KIF13B: variants seen among roughly 807,000 people sequenced by gnomAD.
The protein encoded by KIF13B is kinesin family member 13B.
In KIF13B, 127 loss-of-function variants were observed where a neutral mutation model predicts 222.0. That is an observed-to-expected ratio of 0.57 (90% CI 0.50 to 0.66). The LOEUF is 0.66. Among genes scored for constraint, KIF13B ranks in the 30% least tolerant of loss-of-function variants. KIF13B has a pLI of 0.00. For missense variants in KIF13B, 2,173 were observed against 2,379.0 expected (o/e 0.91, Z 1.80); for synonymous variants, 976 against 919.0 (o/e 1.06, Z -1.12).
intron 14 of KIF13B, among the ~76,000 whole-genome samples, chr8:29,154,604 G>T (rs539869277): frequency 3.9e-5 from 6 of 152,300 alleles, no homozygotes; most frequent in African/African-American, 1.4e-4. Context: ...GCTGCAACTG[G>T]TGAAGAAGTA....
chr8:29,078,901 C>T (rs779138990), intron 37 of KIF13B, among the ~76,000 whole-genome samples: 21 of 152,178 alleles, frequency 1.4e-4, no homozygotes, highest in Non-Finnish European at 2.2e-4. Flanking sequence ...GGCAACAGAA[C>T]GGCTTAGAAA....
intron 24 of KIF13B, among the ~76,000 whole-genome samples, chr8:29,127,687 A>C (rs923575733): frequency 6.6e-6 from 1 of 152,252 alleles, no homozygotes; most frequent in Non-Finnish European, 1.5e-5. Flanking sequence ...AAACAATTTC[A>C]TACACTGTAA....
chr8:29,163,276 A>G (rs1388985591), intron 12 of KIF13B, among the ~76,000 whole-genome samples: 1 of 152,226 alleles, frequency 6.6e-6, no homozygotes, highest in East Asian at 1.9e-4. Flanking sequence ...ATACATAACA[A>G]TTAAACAATG....
Position 29,160,727 on chromosome 8 carries a change from C to T in KIF13B, c.1404+6G>A, listed in dbSNP as rs750040236. Reference sequence around the variant, plus strand: ...AAGAATCTAGTAGCAAAGCACATTACTTCACCTTTAAATAGTACACCAGAA... The same window carrying T: ...AAGAATCTAGTAGCAAAGCACATTATTTCACCTTTAAATAGTACACCAGAA... On this transcript the variant is annotated splice_donor_region_variant and intron_variant, in intron 13 of 39. Transcript: ENST00000524189. 3.7e-6 allele frequency: 6 copies of T among 1,610,144 alleles called. No homozygotes were observed. Among genetic ancestry groups the T allele is most frequent in the African/African-American group, 2.7e-5 (2 of 74,796 alleles).
intron 2 of KIF13B, among the ~76,000 whole-genome samples, chr8:29,203,083 A>T (rs1158588900): frequency 6.6e-6 from 1 of 152,216 alleles, no homozygotes; most frequent in Non-Finnish European, 1.5e-5. Context: ...ATGATAGAAT[A>T]AACTTTTACA....
At chr8:29,226,724 T>C (rs1815043235) in intron 2 of KIF13B, among the ~76,000 whole-genome samples, 2 of 152,254 alleles carry the variant, frequency 1.3e-5, no homozygotes, top group Admixed American at 1.3e-4. Context: ...TGTTCTTCTC[T>C]GCATCCCATG....
chr8:29,122,825 T>C (rs746567852), intron 28 of KIF13B, among the ~76,000 whole-genome samples, 179 bp from the exon 29 acceptor site: 1 of 152,220 alleles, frequency 6.6e-6, no homozygotes, highest in Non-Finnish European at 1.5e-5. Flanking sequence ...TAGCTGCTGC[T>C]TCATACCCTG....
chr8:29,191,410 A>G (rs1050683509), intron 3 of KIF13B, among the ~76,000 whole-genome samples: 5 of 152,222 alleles, frequency 3.3e-5, no homozygotes, highest in African/African-American at 1.2e-4. Context: ...TAGTCAAAGA[A>G]AAAGATATTT....
chr8:29,133,890 G>A, intron 22 of KIF13B, 150 bp downstream of exon 22: 1 of 690,548 alleles, frequency 1.4e-6, no homozygotes, highest in Non-Finnish European at 2.4e-6. Flanking sequence ...GAGTATAGAT[G>A]CATTGACACT....
Position 29,180,036 on chromosome 8 carries a change from A to T in KIF13B, c.720+68T>A. 3 of 1,571,074 alleles carry T rather than the reference A, an allele frequency of 1.9e-6. No homozygotes were observed. The East Asian group carries it at 6.7e-5, about 35-fold the overall frequency. ...GGACTTTAATTCATCTAACACCTGA[A>T]GAGGAAAAAAATAAAACCACAATCC... On this transcript the variant is annotated intron_variant, in intron 8 of 39. Coordinates refer to ENST00000524189, the MANE Select transcript of KIF13B (RefSeq NM_015254.4).
intron 24 of KIF13B, 107 bp downstream of exon 24, chr8:29,130,426 C>T: frequency 8.7e-7 from 1 of 1,147,288 alleles, no homozygotes; most frequent in Non-Finnish European, 1.3e-6. Flanking sequence ...AAGAAATGGA[C>T]TTGGCCAGTC....
chr8:29,144,285 G>A (rs1044199754), intron 18 of KIF13B, among the ~76,000 whole-genome samples: 1 of 151,992 alleles, frequency 6.6e-6, no homozygotes, highest in African/African-American at 2.4e-5. Context: ...AATTGAGACA[G>A]AGTCTCTTTC....
intron 36 of KIF13B, among the ~76,000 whole-genome samples, chr8:29,096,643 T>C (rs1808545993): frequency 6.6e-6 from 1 of 151,966 alleles, no homozygotes; most frequent in Non-Finnish European, 1.5e-5. Context: ...TGAATACCTA[T>C]ATATGTAGAA....
chr8:29,209,531 A>G (rs551205670), intron 2 of KIF13B, among the ~76,000 whole-genome samples: 2 of 152,222 alleles, frequency 1.3e-5, no homozygotes, highest in East Asian at 1.9e-4. Context: ...AGCTGCTTTA[A>G]TTACTCCTTG....
At chr8:29,154,890 TGGA>T (rs1811449598) in intron 14 of KIF13B, among the ~76,000 whole-genome samples, 2 of 152,214 alleles carry the variant, frequency 1.3e-5, no homozygotes, top group Non-Finnish European at 2.9e-5. Flanking sequence ...GAAGACTTTA[TGGA>T]TAAAATCAGT....
chr8:29,118,888 CA>C lies in KIF13B; in HGVS notation c.3639del (p.Ile1213MetfsTer2). 2 of 1,613,960 alleles carry C rather than the reference CA, an allele frequency of 1.2e-6. No homozygotes were observed. The highest frequency in any genetic ancestry group is 1.1e-5 in the South Asian group (1 of 91,086). ...CTTACCTCCCCATCATGCTGCTTCA[CA>C]ATCTGCAATTCAAAGAACTCCTCTT... is the stretch of plus-strand genomic sequence containing the variant. ...EEEEEFFELQ[I>X]VKQHDGEVKA... On this transcript the variant is annotated frameshift_variant, in exon 30 of 40. Coordinates refer to ENST00000524189, the MANE Select transcript of KIF13B (RefSeq NM_015254.4). LOFTEE classifies it high-confidence loss of function.
At position 29,070,547 on chromosome 8, in the gene KIF13B, C is replaced by T. The variant is rs1807205932; in HGVS notation, c.5438G>A (p.Arg1813Lys). ...SLTAALAKAD[R>K]SHKNPENRKS... ...CCGGTTCTCAGGGTTCTTGTGGCTC[C>T]TGTCGGCCTTGGCCAGGGCAGCTGT... is the stretch of plus-strand genomic sequence containing the variant. Residue 1813 changes from arginine (R) to lysine (K), a missense_variant, in exon 40 of 40, where the codon AGG (arginine) becomes AAG (lysine). Coordinates refer to ENST00000524189, the MANE Select transcript of KIF13B (RefSeq NM_015254.4). This position sits in a 1 kb window ranked among gnomAD's most constrained non-coding sequence, Gnocchi z 4.1. The T allele has an allele frequency of 3.7e-6, 6 of 1,609,502 alleles. No homozygotes were observed. The highest frequency in any genetic ancestry group is 5.1e-6 in the Non-Finnish European group (6 of 1,178,494).
In KIF13B at chr8:29,069,047, C is replaced by G. The variant is rs1444511128; in HGVS notation, c.*1457G>C. On this transcript the variant is annotated 3_prime_UTR_variant, in exon 40 of 40. Coordinates refer to ENST00000524189, the MANE Select transcript of KIF13B (RefSeq NM_015254.4). ...ATGGAGACTACTCTGTTGGCGCCTT[C>G]AAGTCCCTAGAGAACCAGAGCCTTC... is the stretch of plus-strand genomic sequence containing the variant. The G allele has an allele frequency of 1.3e-5, 2 of 152,282 alleles. No homozygotes were observed. Among genetic ancestry groups the G allele is most frequent in the African/African-American group, 4.8e-5 (2 of 41,474 alleles). 9.4% of individuals were successfully genotyped at this position (152,282 alleles called of 1,614,324 possible). A position where few individuals can be genotyped will look rare whatever the true frequency, so the allele number is the denominator to read the frequency against.
In KIF13B at chr8:29,145,369, G is replaced by A. The variant is rs114896569; in HGVS notation, c.2187+1009C>T. Among the ~76,000 whole-genome samples the A allele has an allele frequency of 2.6e-3, 396 of 152,232 alleles. 2 individuals are homozygous for A. The highest frequency in any genetic ancestry group is 8.3e-3 in the African/African-American group (345 of 41,536). On this transcript the variant is annotated intron_variant, in intron 18 of 39. Transcript: ENST00000524189. ...TTGCTATCAAATTAGAATAATATCC[G>A]CCTGTAATCCCAGCACTTTGGGAGG...
Sources: allele counts gnomAD v4.1 joint callset (sites outside exome capture counted in the v4.1 genomes callset), GRCh38; gene constraint gnomAD v4.1.1; non-coding constraint Gnocchi (gnomAD v3.1); transcripts MANE v1.5; gene names NCBI Gene and HGNC (gene_info 2026-07-23, HGNC 2026-07-21).